The following PCDHGC4 variants were observed in gnomAD, a reference collection of about 807,000 sequenced individuals.
The protein encoded by PCDHGC4 is protocadherin gamma subfamily C, 4.
PCDHGC4 carries 15 observed loss-of-function variants against 59.7 expected under a neutral mutation model. The ratio of observed to expected loss-of-function variants is 0.25; its 90% CI spans 0.17 to 0.39. PCDHGC4 has a LOEUF of 0.39. PCDHGC4 is among the 10% of genes least tolerant of loss of function. The pLI is 1.00. For synonymous variants in PCDHGC4, 434 were observed against 481.4 expected, an observed-to-expected ratio of 0.90 and a Z score of 1.29; for missense variants, 1,016 against 1,189.5, an observed-to-expected ratio of 0.85 and a Z score of 2.15.
Position 141,491,176 on chromosome 5 carries a change from G to A in PCDHGC4, c.2442+3561G>A. The A allele has an allele frequency of 1.2e-6, 2 of 1,614,210 alleles. No homozygotes were observed. The highest frequency in any genetic ancestry group is 8.5e-7 in the Non-Finnish European group (1 of 1,180,024). On this transcript the variant is annotated intron_variant, in intron 1 of 3. Transcript: ENST00000306593. The surrounding 1 kb of genome is among the most constrained non-coding windows in gnomAD (Gnocchi z 6.9). ...TGACTCTGACACCCAGCAGGTGGTG[G>A]TCCTGGTGAGGGACAATGGTGACCC...
intron 3 of PCDHGC4, among the ~76,000 whole-genome samples, chr5:141,510,227 C>T (rs1010123412): frequency 1.3e-5 from 2 of 150,454 alleles, no homozygotes; most frequent in African/African-American, 2.5e-5. Context: ...GAGCCGGGAT[C>T]GCGCCACTGC....
rs1410460145 is a variant in PCDHGC4 at position 141,490,798 on chromosome 5, C to T, written c.2442+3183C>T. On this transcript the variant is annotated intron_variant, in intron 1 of 3. Coordinates refer to ENST00000306593, the MANE Select transcript of PCDHGC4 (RefSeq NM_018928.3). The surrounding 1 kb of genome is among the most constrained non-coding windows in gnomAD (Gnocchi z 5.4). The stretch of plus-strand genomic sequence containing the variant: ...AGAGGATGGACGGATCTTTGCCCAG[C>T]GTACCTTTGACTATGAATTGCTGCA... 9.3e-6 allele frequency: 15 copies of T among 1,613,808 alleles called. No individual in the cohort carries two copies. Among genetic ancestry groups the T allele is most frequent in the Admixed American group, 6.7e-5 (4 of 60,002 alleles).
rs2099611311 is a variant in PCDHGC4 at position 141,485,311 on chromosome 5, G to A, written c.138G>A (p.Gly46=). 3.1e-6 allele frequency: 5 copies of A among 1,614,174 alleles called. No individual in the cohort carries two copies. The East Asian group carries it at 6.7e-5, about 22-fold the overall frequency. The part of the protein sequence containing the change: ...PEESQEGTFV[G]NVAQDFLLDT... ...AGTCACAGGAAGGGACTTTTGTAGGGAATGTCGCTCAAGATTTCCTGCTGG... is the reference window on the plus strand; with the variant it reads ...AGTCACAGGAAGGGACTTTTGTAGGAAATGTCGCTCAAGATTTCCTGCTGG... The change falls in exon 1 of 4, where the codon GGG becomes GGA. Residue 46 remains glycine, a synonymous_variant. Transcript: ENST00000306593. The surrounding 1 kb of genome is among the most constrained non-coding windows in gnomAD (Gnocchi z 5.7).
At position 141,486,778 on chromosome 5, in the gene PCDHGC4, G is replaced by A. The variant is rs750169906; in HGVS notation, c.1605G>A (p.Val535=). The A allele has an allele frequency of 1.2e-6, 2 of 1,614,104 alleles. No individual in the cohort carries two copies. Among genetic ancestry groups the A allele is most frequent in the Admixed American group, 1.7e-5 (1 of 60,006 alleles). ...YEQTQTLQFE[V]QARDRGNPPL... is the part of the protein sequence containing the mutation. ...AAACCCAGACACTGCAGTTTGAGGT[G>A]CAGGCCCGGGATCGGGGCAACCCAC... is the stretch of plus-strand genomic sequence containing the variant. The change falls in exon 1 of 4, where the codon GTG becomes GTA. Residue 535 remains valine (V), a synonymous_variant. Coordinates refer to ENST00000306593, the MANE Select transcript of PCDHGC4 (RefSeq NM_018928.3). This position sits in a 1 kb window ranked among gnomAD's most constrained non-coding sequence, Gnocchi z 5.0.
At chr5:141,508,961 A>C (rs991011427) in intron 3 of PCDHGC4, among the ~76,000 whole-genome samples, 2 of 151,978 alleles carry the variant, frequency 1.3e-5, no homozygotes, top group African/African-American at 4.8e-5. Context: ...TGTCAGCGGA[A>C]TGAAAGGGCT....
Position 141,486,253 on chromosome 5 carries a change from C to A in PCDHGC4, c.1080C>A (p.Pro360=). The A allele has an allele frequency of 6.2e-7, 1 of 1,614,138 alleles. No individual in the cohort carries two copies. Among genetic ancestry groups the A allele is most frequent in the Non-Finnish European group, 8.5e-7 (1 of 1,180,006 alleles). The change falls in exon 1 of 4, where the codon CCC becomes CCA. Residue 360 remains proline (P), a synonymous_variant. Transcript: ENST00000306593. This position sits in a 1 kb window ranked among gnomAD's most constrained non-coding sequence, Gnocchi z 5.0. ...ITVTSELGTL[P]ESAEPGTVVA... ...TGACCTCAGAGCTTGGAACCCTCCC[C>A]GAGAGTGCAGAACCTGGCACTGTGG...
At chr5:141,504,476 A>G (rs998883721) in intron 2 of PCDHGC4, among the ~76,000 whole-genome samples, 4 of 152,016 alleles carry the variant, frequency 2.6e-5, no homozygotes, top group African/African-American at 9.7e-5. Context: ...GGATGGGAGT[A>G]CAGTGGAGGC....
At position 141,490,979 on chromosome 5, in the gene PCDHGC4, C is replaced by T. The variant is rs1217345302; in HGVS notation, c.2442+3364C>T. 6.2e-7 allele frequency: 1 copy of T among 1,614,086 alleles called. No individual in the cohort carries two copies. The highest frequency in any genetic ancestry group is 8.5e-7 in the Non-Finnish European group (1 of 1,180,014). ...GAACACTCAGCCCCCCAGCGTCTCC[C>T]TCGCTCTGCTCCTCCTGGCTCCTTG... On this transcript the variant is annotated intron_variant, in intron 1 of 3. Transcript: ENST00000306593. This position sits in a 1 kb window ranked among gnomAD's most constrained non-coding sequence, Gnocchi z 5.4.
chr5:141,503,781 G>A (rs1393561411), intron 2 of PCDHGC4, among the ~76,000 whole-genome samples: 1 of 152,110 alleles, frequency 6.6e-6, no homozygotes, highest in East Asian at 1.9e-4. Flanking sequence ...TTCTTAGGCT[G>A]AGTTCATCTA....
chr5:141,486,137 G>A lies in PCDHGC4; in HGVS notation c.964G>A (p.Ala322Thr), dbSNP rs1187526031. 1 of 1,614,074 alleles carries A rather than the reference G, an allele frequency of 6.2e-7. No individual in the cohort carries two copies. The change falls in exon 1 of 4, where the codon GCT becomes ACT. Residue 322 changes from alanine (A) to threonine (T), a missense_variant. Coordinates refer to ENST00000306593, the MANE Select transcript of PCDHGC4 (RefSeq NM_018928.3). The surrounding 1 kb of genome is among the most constrained non-coding windows in gnomAD (Gnocchi z 5.0). Reference protein sequence around the residue: ...SENYYEFDVRARDGGSPAMEQ... With the variant: ...SENYYEFDVRTRDGGSPAMEQ... ...GAATTACTATGAATTTGATGTGCGGGCTCGCGATGGGGGTTCTCCAGCCAT... is the reference window on the plus strand; with the variant it reads ...GAATTACTATGAATTTGATGTGCGGACTCGCGATGGGGGTTCTCCAGCCAT...
chr5:141,500,445 G>A (rs1319009998), intron 2 of PCDHGC4, among the ~76,000 whole-genome samples: 1 of 151,816 alleles, frequency 6.6e-6, no homozygotes, highest in Non-Finnish European at 1.5e-5. Flanking sequence ...TCCTGACCTC[G>A]TGATCCGCCC....
At chr5:141,494,759 C>G (rs776923097) in intron 1 of PCDHGC4, 48 bp from the exon 2 acceptor site, 2 of 1,613,886 alleles carry the variant, frequency 1.2e-6, no homozygotes, top group Middle Eastern at 1.6e-4. Flanking sequence ...GGGTGACATT[C>G]TAACTTCTCA....
At chr5:141,505,567 T>A in intron 3 of PCDHGC4, 86 bp downstream of exon 3, 2 of 1,599,440 alleles carry the variant, frequency 1.3e-6, no homozygotes, top group Non-Finnish European at 1.7e-6. Context: ...ACGGACTGGA[T>A]GTCAAACCTG....
Position 141,485,597 on chromosome 5 carries a change from A to G in PCDHGC4, c.424A>G (p.Ile142Val). Residue 142 changes from isoleucine to valine, a missense_variant, in exon 1 of 4, where the codon ATT (isoleucine) becomes GTT (valine). Ile to Val is a conservative substitution (Grantham distance 29). Coordinates refer to ENST00000306593, the MANE Select transcript of PCDHGC4 (RefSeq NM_018928.3). This position sits in a 1 kb window ranked among gnomAD's most constrained non-coding sequence, Gnocchi z 5.7. ...TCCGCGGCAGCAGCTGGACTTGGAA[A>G]TTGGGGAGGCAGCTCCTCCAGGACA... ...RFPRQQLDLEIGEAAPPGQRF... is the reference protein window; with the variant it reads ...RFPRQQLDLEVGEAAPPGQRF... The G allele has an allele frequency of 6.2e-7, 1 of 1,612,468 alleles. No homozygotes were observed. The highest frequency in any genetic ancestry group is 8.5e-7 in the Non-Finnish European group (1 of 1,178,718).
chr5:141,508,269 C>G (rs1459186158), intron 3 of PCDHGC4: 1 of 152,186 alleles, frequency 6.6e-6, no homozygotes, highest in Non-Finnish European at 1.5e-5. Flanking sequence ...GAGAAAATCC[C>G]GGTCCTTGAC....
Position 141,512,089 on chromosome 5 carries a change from T to C in PCDHGC4, c.*916T>C, listed in dbSNP as rs1292597067. 6.6e-6 allele frequency: 1 copy of C among 152,606 alleles called. No individual in the cohort carries two copies. Among genetic ancestry groups the C allele is most frequent in the Non-Finnish European group, 1.5e-5 (1 of 68,068 alleles). 9.5% of individuals were successfully genotyped at this position (152,606 alleles called of 1,614,324 possible). A position where few individuals can be genotyped will look rare whatever the true frequency, so the allele number is the denominator to read the frequency against. ...CCTCCAGATTCCAGCCATAAACCAA[T>C]AACTAGGCTGGACCCTTCCCACTAC... On this transcript the variant is annotated 3_prime_UTR_variant, in exon 4 of 4. Coordinates refer to ENST00000306593, the MANE Select transcript of PCDHGC4 (RefSeq NM_018928.3).
chr5:141,503,471 C>A (rs2099820129), intron 2 of PCDHGC4, among the ~76,000 whole-genome samples: 1 of 151,836 alleles, frequency 6.6e-6, no homozygotes, highest in African/African-American at 2.4e-5. Context: ...GGCATGTGTG[C>A]ACTTGTCGTC....
chr5:141,490,345 G>GT lies in PCDHGC4; in HGVS notation c.2442+2731dup, dbSNP rs1363310763. The GT allele has an allele frequency of 6.2e-7, 1 of 1,614,216 alleles. No individual in the cohort carries two copies. The highest frequency in any genetic ancestry group is 2.2e-5 in the East Asian group (1 of 44,886). ...AGAGAGCACACCAGTGGGCACAGTAGTGGGGTTGTTTAATGTGCGAGACCG... is the reference window on the plus strand; with the variant it reads ...AGAGAGCACACCAGTGGGCACAGTAGTTGGGGTTGTTTAATGTGCGAGACCG... On this transcript the variant is annotated intron_variant, in intron 1 of 3. Transcript: ENST00000306593. This position sits in a 1 kb window ranked among gnomAD's most constrained non-coding sequence, Gnocchi z 5.4.
Position 141,511,313 on chromosome 5 carries a change from C to T in PCDHGC4, c.*140C>T. ...CCAAGGCCATGCTCCCCTTGGGAAA[C>T]AGAAACAAGTGCCCAGTCAGCACCT... On this transcript the variant is annotated 3_prime_UTR_variant, in exon 4 of 4. Transcript: ENST00000306593. 2 of 1,482,944 alleles carry T rather than the reference C, an allele frequency of 1.3e-6. No homozygotes were observed. The highest frequency in any genetic ancestry group is 2.3e-5 in the Admixed American group (1 of 43,596). 91.9% of individuals were successfully genotyped at this position (1,482,944 alleles called of 1,614,324 possible).
Sources: allele counts gnomAD v4.1 joint callset (sites outside exome capture counted in the v4.1 genomes callset), GRCh38; gene constraint gnomAD v4.1.1; non-coding constraint Gnocchi (gnomAD v3.1); transcripts MANE v1.5; gene names NCBI Gene and HGNC (gene_info 2026-07-23, HGNC 2026-07-21).